The following CSMD1 variants were observed in gnomAD, a reference collection of about 807,000 sequenced individuals.
CSMD1 encodes CUB and Sushi multiple domains 1.
Under a neutral mutation model 417.5 loss-of-function variants are expected in CSMD1, and 213 were observed. The ratio of observed to expected loss-of-function variants is 0.51; its 90% CI spans 0.46 to 0.57. CSMD1 has a LOEUF of 0.57. Ranked by LOEUF, CSMD1 falls within the 20% of genes least tolerant of loss-of-function variation. CSMD1 has a pLI of 0.00. For missense variants in CSMD1, 6,923 were observed against 4,529.7 expected, an observed-to-expected ratio of 1.53 and a Z score of -15.17; for synonymous variants, 2,862 against 1,736.8, an observed-to-expected ratio of 1.65 and a Z score of -16.11.
intron 23 of CSMD1, among the ~76,000 whole-genome samples, chr8:3,312,070 G>A (rs958525112): frequency 6.6e-6 from 1 of 152,054 alleles, no homozygotes; most frequent in Non-Finnish European, 1.5e-5. Flanking sequence ...TTAAAGCTTT[G>A]TTTTGTAATG....
At chr8:2,977,561 T>C (rs1805034148) in intron 55 of CSMD1, among the ~76,000 whole-genome samples, 1 of 152,182 alleles carries the variant, frequency 6.6e-6, no homozygotes, top group South Asian at 2.1e-4. Flanking sequence ...GCAGTGAACA[T>C]ACACATGCAT....
intron 1 of CSMD1, among the ~76,000 whole-genome samples, chr8:4,981,905 C>A (rs1411088746): frequency 1.3e-5 from 2 of 152,154 alleles, no homozygotes; most frequent in Non-Finnish European, 2.9e-5. Context: ...TCTCCCCCAA[C>A]CCCACTCCTA....
At chr8:3,228,769 T>A (rs988516000) in intron 27 of CSMD1, among the ~76,000 whole-genome samples, 2 of 151,034 alleles carry the variant, frequency 1.3e-5, no homozygotes, top group South Asian at 4.2e-4. Flanking sequence ...CCTAAAAACA[T>A]GCAAAATGGA....
At chr8:4,041,039 C>CG (rs1797863039) in intron 3 of CSMD1, among the ~76,000 whole-genome samples, 1 of 114,236 alleles carries the variant, frequency 8.8e-6, no homozygotes, top group African/African-American at 3.6e-5. Flanking sequence ...TTTTTTGAGA[C>CG]GGAGTCTCGC....
chr8:3,395,340 G>A (rs1353637678), intron 17 of CSMD1, among the ~76,000 whole-genome samples: 2 of 152,198 alleles, frequency 1.3e-5, no homozygotes, highest in Non-Finnish European at 2.9e-5. Flanking sequence ...CTCTTTGAGG[G>A]AAGTGTTTTC....
chr8:3,408,105 A>G lies in CSMD1; in HGVS notation c.1865T>C (p.Ile622Thr), dbSNP rs1409644909. ...WLIISEPGSR[I>T]HLIFNDFDVE... is the part of the protein sequence containing the mutation. ...ATCAAAATCATTAAAGATTAGGTGA[A>G]TTCGACTTCCTGGCTCCGAGATAAT... Residue 622 changes from isoleucine to threonine, a missense_variant, in exon 14 of 70, where the codon ATT becomes ACT. Transcript: ENST00000635120. 1 of 1,613,840 alleles carries G rather than the reference A, an allele frequency of 6.2e-7. No individual in the cohort carries two copies. The highest frequency in any genetic ancestry group is 8.5e-7 in the Non-Finnish European group (1 of 1,179,888).
At chr8:4,328,554 T>C (rs1585241771) in intron 3 of CSMD1, among the ~76,000 whole-genome samples, 1 of 152,100 alleles carries the variant, frequency 6.6e-6, no homozygotes, top group Non-Finnish European at 1.5e-5. Flanking sequence ...ATACACACTA[T>C]GTACCCACAA....
chr8:4,360,713 T>A (rs1422042698), intron 3 of CSMD1, among the ~76,000 whole-genome samples: 4 of 152,102 alleles, frequency 2.6e-5, no homozygotes, highest in African/African-American at 9.7e-5. Context: ...CAGGATGGTC[T>A]CCGATCTCCT....
intron 4 of CSMD1, among the ~76,000 whole-genome samples, chr8:4,009,081 G>A (rs886378786): frequency 1.3e-5 from 2 of 152,044 alleles, no homozygotes; most frequent in Non-Finnish European, 2.9e-5. Context: ...TTCTGCATTT[G>A]AAGAAAATGT....
At chr8:3,537,222 C>G (rs1798240223) in intron 10 of CSMD1, among the ~76,000 whole-genome samples, 1 of 152,118 alleles carries the variant, frequency 6.6e-6, no homozygotes, top group East Asian at 1.9e-4. Context: ...GATAGTCAGT[C>G]TCGATCTCCT....
chr8:4,888,029 A>C (rs1428673357), intron 1 of CSMD1, among the ~76,000 whole-genome samples: 1 of 151,842 alleles, frequency 6.6e-6, no homozygotes, highest in African/African-American at 2.4e-5. Context: ...TCCTTTTTTG[A>C]CCCATATATG....
At position 3,300,928 on chromosome 8, in the gene CSMD1, C is replaced by T. The variant is rs1473231834; in HGVS notation, c.3950+6767G>A. On this transcript the variant is annotated intron_variant, in intron 25 of 69. Transcript: ENST00000635120. ...GAGCCAGGATTGCGCCACCGCACTC[C>T]AGCCTGGACAACAGAGTGAGACTCT... Among the ~76,000 whole-genome samples the T allele has an allele frequency of 2.5e-5, 3 of 120,584 alleles. No homozygotes were observed. In the South Asian group the frequency reaches 8.3e-4, roughly 33 times the overall value. 79.1% of individuals were successfully genotyped at this position (120,584 alleles called of 152,430 possible). A position where few individuals can be genotyped will look rare whatever the true frequency, so the allele number is the denominator to read the frequency against.
At chr8:3,599,732 A>G (rs1397515316) in intron 8 of CSMD1, among the ~76,000 whole-genome samples, 1 of 152,082 alleles carries the variant, frequency 6.6e-6, no homozygotes, top group Non-Finnish European at 1.5e-5. Context: ...GCCAACCTAT[A>G]CCTTGCACTC....
At chr8:3,162,315 G>C in intron 37 of CSMD1, 38 bp from the exon 38 acceptor site, 1 of 1,300,530 alleles carries the variant, frequency 7.7e-7, no homozygotes, top group South Asian at 1.3e-5. Flanking sequence ...ATTATATGAT[G>C]TAAACAATAT....
At chr8:4,270,049 A>G (rs1036641433) in intron 3 of CSMD1, among the ~76,000 whole-genome samples, 1 of 152,186 alleles carries the variant, frequency 6.6e-6, no homozygotes, top group Non-Finnish European at 1.5e-5. Context: ...ATGATTAATG[A>G]TGAAATATTG....
rs191566251 is a variant in CSMD1 at position 3,966,113 on chromosome 8, G to C, written c.818+31790C>G. Among the ~76,000 whole-genome samples the C allele has an allele frequency of 2.2e-3, 330 of 152,254 alleles. 5 individuals are homozygous for C. Among genetic ancestry groups the C allele is most frequent in the African/African-American group, 3.7e-3 (155 of 41,546 alleles). On this transcript the variant is annotated intron_variant, in intron 5 of 69. Transcript: ENST00000635120. ...GACTACGAATGTACTTCATAATTTA[G>C]GGAATAGGCTCCCATCCATGCTACT...
intron 7 of CSMD1, among the ~76,000 whole-genome samples, chr8:3,681,796 C>A (rs932203081): frequency 6.6e-6 from 1 of 152,218 alleles, no homozygotes; most frequent in African/African-American, 2.4e-5. Flanking sequence ...AACTATACTA[C>A]AAGGCTACAG....
intron 7 of CSMD1, among the ~76,000 whole-genome samples, chr8:3,654,625 G>A (rs746012337): frequency 1.3e-5 from 2 of 152,344 alleles, no homozygotes; most frequent in East Asian, 1.9e-4. Flanking sequence ...AAGCAGGGCA[G>A]CCTTTGATTT....
intron 2 of CSMD1, among the ~76,000 whole-genome samples, chr8:4,581,184 G>C (rs1354906198): frequency 2.0e-5 from 3 of 152,200 alleles, no homozygotes; most frequent in Admixed American, 6.5e-5. Context: ...TTAGAATTTA[G>C]TTGACTTGTT....
Sources: gnomAD v4.1 joint callset for allele counts (sites outside exome capture counted in the v4.1 genomes callset) on GRCh38, gnomAD v4.1.1 for gene constraint, MANE v1.5 for transcripts, NCBI Gene and HGNC (gene_info 2026-07-23, HGNC 2026-07-21) for gene names.